The following NBAS variants were observed in gnomAD, a reference collection of about 807,000 sequenced individuals.
NBAS encodes NAG/BC035112 fusion.
Under a neutral mutation model 302.5 loss-of-function variants are expected in NBAS, and 219 were observed. That is an observed-to-expected ratio of 0.72 (90% CI 0.65 to 0.81). NBAS has a LOEUF of 0.81. NBAS is among the 30% of genes least tolerant of loss of function. The probability of loss-of-function intolerance (pLI) is 0.00; values close to 1 mark genes in which losing one functional copy is unlikely to be tolerated. For synonymous variants in NBAS, 1,118 were observed against 1,021.6 expected, an observed-to-expected ratio of 1.09 and a Z score of -1.80; for missense variants, 2,932 against 2,841.6, an observed-to-expected ratio of 1.03 and a Z score of -0.72.
At chr2:15,390,380 T>G (rs1247150525) in intron 28 of NBAS, among the ~76,000 whole-genome samples, 1 of 152,220 alleles carries the variant, frequency 6.6e-6, no homozygotes, top group East Asian at 1.9e-4. Context: ...TTCACTTACA[T>G]GTAAAATTTT....
At chr2:15,222,147 A>T (rs1383063955) in intron 47 of NBAS, among the ~76,000 whole-genome samples, 1 of 152,260 alleles carries the variant, frequency 6.6e-6, no homozygotes, top group Non-Finnish European at 1.5e-5. Context: ...AAAAGCAACC[A>T]TTATTATTAA....
chr2:14,969,592 G>T, the NBAS span, among the ~76,000 whole-genome samples: 2 of 152,084 alleles, frequency 1.3e-5, no homozygotes, highest in Admixed American at 1.3e-4. Context: ...GGCCAGGCTG[G>T]TCTCAAACTC....
chr2:14,821,397 A>G, the NBAS span, among the ~76,000 whole-genome samples: 1 of 152,094 alleles, frequency 6.6e-6, no homozygotes, highest in Non-Finnish European at 1.5e-5. Flanking sequence ...TTCTTGCCTG[A>G]CTTCAATCTC....
At chr2:15,159,196 C>A in the NBAS span, among the ~76,000 whole-genome samples, 1 of 152,196 alleles carries the variant, frequency 6.6e-6, no homozygotes, top group Admixed American at 6.5e-5. Context: ...AGGATCTCCA[C>A]TGAAGGTGGG....
chr2:14,788,055 A>C, the NBAS span, among the ~76,000 whole-genome samples: 37 of 150,522 alleles, frequency 2.5e-4, no homozygotes, highest in African/African-American at 8.9e-4. Context: ...TTCCCTTCTC[A>C]CTTCATTTCA....
At chr2:15,435,788 G>C (rs971372637) in intron 21 of NBAS, among the ~76,000 whole-genome samples, 2 of 151,980 alleles carry the variant, frequency 1.3e-5, no homozygotes, top group Admixed American at 1.3e-4. Context: ...TTAATCTTTC[G>C]ATAGTATATA....
At chr2:14,853,928 G>A in the NBAS span, among the ~76,000 whole-genome samples, 1 of 109,610 alleles carries the variant, frequency 9.1e-6, no homozygotes, top group Admixed American at 9.5e-5. Context: ...GTGGTGGGGT[G>A]GGGGGAGGGG....
the NBAS span, among the ~76,000 whole-genome samples, chr2:15,117,428 C>T: frequency 8.3e-3 from 1,263 of 152,326 alleles, 7 homozygotes; most frequent in Non-Finnish European, 0.014. Context: ...CCCTGCTCTT[C>T]CCTTCTGGGT....
chr2:14,901,260 G>A, the NBAS span, among the ~76,000 whole-genome samples: 1 of 152,124 alleles, frequency 6.6e-6, no homozygotes, highest in Non-Finnish European at 1.5e-5. Context: ...TAATCAAATG[G>A]AATTGCAGCT....
the NBAS span, among the ~76,000 whole-genome samples, chr2:15,023,897 C>T: frequency 2.6e-5 from 4 of 151,836 alleles, no homozygotes; most frequent in African/African-American, 4.8e-5. Flanking sequence ...TTTATATACA[C>T]AAAATTTTTA....
At chr2:15,099,543 G>A in the NBAS span, among the ~76,000 whole-genome samples, 2 of 151,680 alleles carry the variant, frequency 1.3e-5, no homozygotes, top group African/African-American at 4.8e-5. Flanking sequence ...GCCAAGAGAG[G>A]AAAATACAAA....
intron 43 of NBAS, 28 bp from the exon 44 acceptor site, chr2:15,275,846 A>G: frequency 6.3e-7 from 1 of 1,591,370 alleles, no homozygotes; most frequent in Non-Finnish European, 8.6e-7. Context: ...AAAGTAGGTA[A>G]GTGGTTCATT....
At chr2:15,272,814 A>T (rs574123702) in intron 44 of NBAS, among the ~76,000 whole-genome samples, 1 of 152,356 alleles carries the variant, frequency 6.6e-6, no homozygotes, top group African/African-American at 2.4e-5. Flanking sequence ...ACATATGTGC[A>T]CCAACAACTG....
rs1392957081 is a variant in NBAS, at chr2:15,484,919, C to T, written c.1083+3975G>A. ...TTACACATAGGCTTTATTATACTTA[C>T]TATAATACACTAGATTTTAGTAATT... On this transcript the variant is annotated intron_variant, in intron 12 of 51. Coordinates refer to ENST00000281513, the MANE Select transcript of NBAS (RefSeq NM_015909.4). 2.6e-5 allele frequency among the ~76,000 whole-genome samples: 4 copies of T among 152,150 alleles called. No homozygotes were observed. In the East Asian group the frequency reaches 7.7e-4, roughly 29 times the overall value.
At chr2:15,499,437 A>G (rs920984017) in intron 11 of NBAS, among the ~76,000 whole-genome samples, 2 of 152,230 alleles carry the variant, frequency 1.3e-5, no homozygotes, top group Non-Finnish European at 2.9e-5. Flanking sequence ...AAAAAGAACA[A>G]CACTATGTCC....
the NBAS span, among the ~76,000 whole-genome samples, chr2:14,959,421 C>T: frequency 3.9e-5 from 6 of 152,316 alleles, no homozygotes; most frequent in South Asian, 1.0e-3. Flanking sequence ...TGCCCAACTG[C>T]TTCATATTTT....
the NBAS span, among the ~76,000 whole-genome samples, chr2:14,912,857 T>C: frequency 5.3e-5 from 8 of 152,202 alleles, no homozygotes; most frequent in Non-Finnish European, 8.8e-5. Context: ...GGTTTGTAGC[T>C]ATTTTATTTT....
At chr2:15,410,945 G>C (rs1676655312) in intron 25 of NBAS, among the ~76,000 whole-genome samples, 1 of 152,194 alleles carries the variant, frequency 6.6e-6, no homozygotes, top group Admixed American at 6.5e-5. Context: ...AGTTCCGTGG[G>C]ATCCCAGTGC....
chr2:15,532,794 T>A (rs963739199), intron 9 of NBAS, among the ~76,000 whole-genome samples: 11 of 152,048 alleles, frequency 7.2e-5, no homozygotes, highest in African/African-American at 2.7e-4. Context: ...CTTGAAATTA[T>A]GTGCAAATAC....
Sources: gnomAD v4.1 joint callset for allele counts (sites outside exome capture counted in the v4.1 genomes callset) on GRCh38, gnomAD v4.1.1 for gene constraint, MANE v1.5 for transcripts, NCBI Gene and HGNC (gene_info 2026-07-23, HGNC 2026-07-21) for gene names.